HLCS: variants seen among roughly 807,000 people sequenced by gnomAD.
The protein encoded by HLCS is holocarboxylase synthetase.
In HLCS, 53 loss-of-function variants were observed where a neutral mutation model predicts 75.0. The observed-to-expected ratio is 0.71, with a 90% confidence interval of 0.57 to 0.89. The LOEUF (loss-of-function observed/expected upper bound fraction) is 0.89. HLCS is among the 40% of genes least tolerant of loss of function. The probability of loss-of-function intolerance (pLI) is 0.00; values close to 1 mark genes in which losing one functional copy is unlikely to be tolerated. For missense variants in HLCS, 966 were observed against 1,074.0 expected (o/e 0.90, Z 1.41); for synonymous variants, 431 against 428.6 (o/e 1.01, Z -0.07).
chr21:36,964,626 C>G, intron 1 of HLCS, among the ~76,000 whole-genome samples: 1 of 152,146 alleles, frequency 6.6e-6, no homozygotes, highest in Non-Finnish European at 1.5e-5. Context: ...GCTTACTGTG[C>G]AGAGTGACAG....
intron 2 of HLCS, among the ~76,000 whole-genome samples, chr21:36,950,862 A>G (rs2067639165): frequency 6.6e-6 from 1 of 152,170 alleles, no homozygotes; most frequent in Non-Finnish European, 1.5e-5. Context: ...AGCCACAGCT[A>G]TTGCAGACAT....
At chr21:36,837,849 C>T (rs1240850929) in intron 6 of HLCS, among the ~76,000 whole-genome samples, 2 of 152,060 alleles carry the variant, frequency 1.3e-5, no homozygotes, top group Admixed American at 6.6e-5. Flanking sequence ...CTGCAGCTAA[C>T]CAAGTTCTTA....
chr21:36,758,230 C>A (rs1050221524), intron 9 of HLCS, among the ~76,000 whole-genome samples: 10 of 152,178 alleles, frequency 6.6e-5, no homozygotes, highest in African/African-American at 2.4e-4. Flanking sequence ...TCTCAGCCTC[C>A]TGAGTAGCTA....
intron 6 of HLCS, among the ~76,000 whole-genome samples, chr21:36,858,439 T>TA: frequency 6.6e-6 from 1 of 152,284 alleles, no homozygotes; most frequent in African/African-American, 2.4e-5. Context: ...ATCAATGTCT[T>TA]ACAGAAAACA....
At chr21:36,802,213 C>T (rs904007249) in intron 6 of HLCS, among the ~76,000 whole-genome samples, 6 of 152,102 alleles carry the variant, frequency 3.9e-5, no homozygotes, top group African/African-American at 7.2e-5. Flanking sequence ...CTTGGGATGC[C>T]GCCATTTTCC....
intron 1 of HLCS, among the ~76,000 whole-genome samples, chr21:36,982,285 C>T (rs2069137363): frequency 6.6e-6 from 1 of 152,146 alleles, no homozygotes. Context: ...AGTTTGTTTC[C>T]TCTAACAAAT....
chr21:36,977,783 A>G (rs2068981441), intron 1 of HLCS, among the ~76,000 whole-genome samples: 1 of 152,218 alleles, frequency 6.6e-6, no homozygotes, highest in African/African-American at 2.4e-5. Context: ...CCACAGCTCC[A>G]ATGCAGGAAT....
intron 2 of HLCS, among the ~76,000 whole-genome samples, chr21:36,954,248 G>C (rs1419276859): frequency 6.6e-6 from 1 of 151,964 alleles, no homozygotes; most frequent in Admixed American, 6.6e-5. Flanking sequence ...AGAGGTTGCA[G>C]TGAGCTATCA....
At chr21:36,804,056 A>C (rs777151065) in intron 6 of HLCS, 2 of 152,410 alleles carry the variant, frequency 1.3e-5, no homozygotes, top group Non-Finnish European at 2.9e-5. Flanking sequence ...TAAAGAATGA[A>C]GCTTAAAATT....
chr21:36,821,179 C>T (rs924099774), intron 6 of HLCS, among the ~76,000 whole-genome samples: 2 of 152,162 alleles, frequency 1.3e-5, no homozygotes, highest in African/African-American at 4.8e-5. Flanking sequence ...CGGCGAATTT[C>T]TTTCACCCCG....
chr21:36,869,385 G>T (rs1463492909), intron 6 of HLCS, among the ~76,000 whole-genome samples: 1 of 152,066 alleles, frequency 6.6e-6, no homozygotes, highest in African/African-American at 2.4e-5. Context: ...GCCCACCTCG[G>T]CCTCCCAAAG....
chr21:36,971,255 G>A (rs952541301), upstream of HLCS, among the ~76,000 whole-genome samples: 1 of 152,116 alleles, frequency 6.6e-6, no homozygotes, highest in Admixed American at 6.6e-5. Flanking sequence ...CTTTCACTGA[G>A]ATGGCCTCAG....
At chr21:36,846,715 C>T (rs182425936) in intron 6 of HLCS, among the ~76,000 whole-genome samples, 24 of 152,304 alleles carry the variant, frequency 1.6e-4, no homozygotes, top group Admixed American at 1.1e-3. Flanking sequence ...TTTTCCCTTA[C>T]ATCTCCTTTT....
At chr21:36,821,859 T>C (rs1347681624) in intron 6 of HLCS, among the ~76,000 whole-genome samples, 1 of 151,622 alleles carries the variant, frequency 6.6e-6, no homozygotes, top group African/African-American at 2.4e-5. Flanking sequence ...ATGAGACTTG[T>C]GGCTAAAATG....
In HLCS at chr21:36,754,035, A is replaced by G. The variant is rs940499246; in HGVS notation, c.*211T>C. On this transcript the variant is annotated 3_prime_UTR_variant, in exon 11 of 11. Coordinates refer to ENST00000674895, the MANE Select transcript of HLCS (RefSeq NM_001352514.2). Reference sequence around the variant, plus strand: ...CCTGTGGGAGGGCTTTCCCTAAACTAAATTTTCTACTTCTTAACCATCTAT... The same window carrying G: ...CCTGTGGGAGGGCTTTCCCTAAACTGAATTTTCTACTTCTTAACCATCTAT... The G allele has an allele frequency of 2.6e-5, 16 of 618,180 alleles. No individual in the cohort carries two copies. Among genetic ancestry groups the G allele is most frequent in the Non-Finnish European group, 1.4e-5 (5 of 357,142 alleles). The allele number at this position is 618,180 out of a possible 1,614,324, so 38.3% of individuals were successfully genotyped here. A position where few individuals can be genotyped will look rare whatever the true frequency, so the allele number is the denominator to read the frequency against.
chr21:36,939,964 G>A (rs1461816682), intron 2 of HLCS, among the ~76,000 whole-genome samples: 4 of 152,108 alleles, frequency 2.6e-5, no homozygotes, highest in South Asian at 2.1e-4. Context: ...CAGGAGAATC[G>A]CTTGAACCCA....
intron 6 of HLCS, among the ~76,000 whole-genome samples, chr21:36,875,875 G>A (rs2063953089): frequency 1.3e-5 from 2 of 152,296 alleles, no homozygotes; most frequent in Admixed American, 1.3e-4. Flanking sequence ...AGACCTAGGG[G>A]CTCCCCAAGC....
chr21:36,842,142 C>A lies in HLCS; in HGVS notation c.1892+54718G>T, dbSNP rs1244484203. 1.3e-5 allele frequency among the ~76,000 whole-genome samples: 2 copies of A among 152,146 alleles called. No individual in the cohort carries two copies. Among genetic ancestry groups the A allele is most frequent in the African/African-American group, 2.4e-5 (1 of 41,434 alleles). ...ACTCACCCAAAGAAGTATTTTATGG[C>A]AATGAGAATGAACAAACTATAGCAA... On this transcript the variant is annotated intron_variant, in intron 6 of 10. Coordinates refer to ENST00000674895, the MANE Select transcript of HLCS (RefSeq NM_001352514.2). The surrounding 1 kb of genome is among the most constrained non-coding windows in gnomAD (Gnocchi z 4.2).
At chr21:36,760,871 A>G (rs2089812070) in intron 8 of HLCS, among the ~76,000 whole-genome samples, 1 of 152,244 alleles carries the variant, frequency 6.6e-6, no homozygotes, top group Admixed American at 6.5e-5. Flanking sequence ...AAGTTGGGAC[A>G]CAGAGACGGG....
Sources: gnomAD v4.1 joint callset for allele counts (sites outside exome capture counted in the v4.1 genomes callset) on GRCh38, gnomAD v4.1.1 for gene constraint, Gnocchi (gnomAD v3.1) non-coding constraint, MANE v1.5 for transcripts, NCBI Gene and HGNC (gene_info 2026-07-23, HGNC 2026-07-21) for gene names.